The following SPAG16 variants were observed in gnomAD, a reference collection of about 807,000 sequenced individuals.
The protein encoded by SPAG16 is sperm associated antigen 16.
In SPAG16, 86 loss-of-function variants were observed where a neutral mutation model predicts 80.4. The observed-to-expected ratio is 1.07, with a 90% CI of 0.90 to 1.28. The LOEUF (loss-of-function observed/expected upper bound fraction) is 1.28, where lower values mean the gene tolerates loss of function less well. Among genes scored for constraint, SPAG16 ranks in the 50% most tolerant of loss-of-function variants. The pLI, the probability that SPAG16 is intolerant of heterozygous loss-of-function variation, is 0.00. For missense variants in SPAG16, 870 were observed against 765.3 expected (o/e 1.14, Z -1.61); for synonymous variants, 294 against 265.9 (o/e 1.11, Z -1.03).
chr2:214,157,753 A>G (rs948185614), intron 15 of SPAG16, among the ~76,000 whole-genome samples: 19 of 152,136 alleles, frequency 1.2e-4, no homozygotes, highest in African/African-American at 4.3e-4. Flanking sequence ...AATATAAATT[A>G]AAGTTATTGA....
intron 12 of SPAG16, among the ~76,000 whole-genome samples, chr2:213,946,393 G>T (rs767295569): frequency 2.6e-5 from 4 of 152,038 alleles, no homozygotes; most frequent in Admixed American, 6.6e-5. Flanking sequence ...GATTACAGGC[G>T]TGAGCCACTG....
chr2:213,819,013 T>A (rs2072759066), intron 10 of SPAG16, among the ~76,000 whole-genome samples: 1 of 152,220 alleles, frequency 6.6e-6, no homozygotes, highest in African/African-American at 2.4e-5. Context: ...GACTAAGTAT[T>A]AAAAGTGTAC....
At chr2:213,530,486 T>C (rs1470004138) in intron 10 of SPAG16, among the ~76,000 whole-genome samples, 2 of 152,162 alleles carry the variant, frequency 1.3e-5, no homozygotes, top group African/African-American at 4.8e-5. Flanking sequence ...TTTCTCAAAA[T>C]TTATATACAC....
intron 9 of SPAG16, among the ~76,000 whole-genome samples, chr2:213,473,069 A>T (rs1180082233): frequency 6.6e-6 from 1 of 152,146 alleles, no homozygotes; most frequent in African/African-American, 2.4e-5. Context: ...CTCTGTTTTT[A>T]TAATTCAAAT....
intron 12 of SPAG16, among the ~76,000 whole-genome samples, chr2:213,999,367 AC>A (rs2046681082): frequency 6.6e-6 from 1 of 152,204 alleles, no homozygotes; most frequent in Non-Finnish European, 1.5e-5. Flanking sequence ...GGCAGCTTCC[AC>A]GTGGTGTTGA....
At position 213,560,132 on chromosome 2, in the gene SPAG16, C is replaced by A. The variant is rs1285636158; in HGVS notation, c.1070+70042C>A. 2.6e-5 allele frequency among the ~76,000 whole-genome samples: 4 copies of A among 151,930 alleles called. No individual in the cohort carries two copies. The South Asian group carries it at 6.2e-4, about 24-fold the overall frequency. ...ACTATATCAAGTCCATTCTGATTAT[C>A]CTCTTATTTCCAATTTTTCTTTTAT... On this transcript the variant is annotated intron_variant, in intron 10 of 15. Transcript: ENST00000331683.
chr2:214,247,992 C>T (rs1689971807), intron 15 of SPAG16, among the ~76,000 whole-genome samples: 1 of 151,872 alleles, frequency 6.6e-6, no homozygotes. Flanking sequence ...CACACTATTA[C>T]ACTCCAGCAG....
At chr2:214,042,427 A>T (rs371216011) in intron 13 of SPAG16, among the ~76,000 whole-genome samples, 59 of 95,308 alleles carry the variant, frequency 6.2e-4, no homozygotes, top group African/African-American at 1.8e-3. Flanking sequence ...AGTAAAAACA[A>T]AAACAAAACA....
chr2:213,408,464 C>T (rs1261189448), intron 9 of SPAG16, among the ~76,000 whole-genome samples: 1 of 152,138 alleles, frequency 6.6e-6, no homozygotes. Context: ...TCAAAAAAAG[C>T]AAAAAGGTAG....
At chr2:213,713,768 AG>A (rs1389502444) in intron 10 of SPAG16, among the ~76,000 whole-genome samples, 3 of 152,196 alleles carry the variant, frequency 2.0e-5, no homozygotes, top group Non-Finnish European at 4.4e-5. Flanking sequence ...ATTAGCTCTC[AG>A]GGTTTTTATA....
chr2:213,902,879 C>A (rs2077276919), intron 11 of SPAG16, among the ~76,000 whole-genome samples: 1 of 152,136 alleles, frequency 6.6e-6, no homozygotes, highest in Non-Finnish European at 1.5e-5. Context: ...TACTGCTGTT[C>A]CAAATGGGAG....
intron 10 of SPAG16, among the ~76,000 whole-genome samples, chr2:213,529,361 C>G (rs1224858473): frequency 6.6e-6 from 1 of 152,126 alleles, no homozygotes; most frequent in African/African-American, 2.4e-5. Flanking sequence ...CTGTATTAAA[C>G]CCTGCATTAT....
intron 9 of SPAG16, among the ~76,000 whole-genome samples, chr2:213,487,122 C>A (rs2074014548): frequency 6.6e-6 from 1 of 151,996 alleles, no homozygotes; most frequent in Admixed American, 6.6e-5. Context: ...ATTATTTTAA[C>A]CCTGACTTTT....
At chr2:213,854,959 G>C (rs4609995) in intron 10 of SPAG16, among the ~76,000 whole-genome samples, 52,372 of 152,104 alleles carry the variant, frequency 0.34, 9,475 homozygotes, top group South Asian at 0.47. Flanking sequence ...CATGCTACAA[G>C]AGCAGAGCTG....
chr2:213,415,768 G>T (rs1308052270), intron 9 of SPAG16, among the ~76,000 whole-genome samples: 3 of 152,176 alleles, frequency 2.0e-5, no homozygotes, highest in Non-Finnish European at 2.9e-5. Flanking sequence ...TGGGACATCT[G>T]AGTAAAGCTG....
intron 10 of SPAG16, among the ~76,000 whole-genome samples, chr2:213,768,589 G>C (rs2069075013): frequency 6.6e-6 from 1 of 152,148 alleles, no homozygotes. Context: ...CAACTAGTTG[G>C]AAAATGATAC....
At chr2:213,612,102 T>C (rs2061456487) in intron 10 of SPAG16, among the ~76,000 whole-genome samples, 1 of 152,208 alleles carries the variant, frequency 6.6e-6, no homozygotes, top group Admixed American at 6.5e-5. Flanking sequence ...GATTCATTCA[T>C]ATTAAATACC....
At chr2:213,592,933 T>G (rs2060754212) in intron 10 of SPAG16, among the ~76,000 whole-genome samples, 1 of 152,226 alleles carries the variant, frequency 6.6e-6, no homozygotes, top group African/African-American at 2.4e-5. Flanking sequence ...CATATTGTAA[T>G]GTATTTTAAT....
intron 12 of SPAG16, among the ~76,000 whole-genome samples, chr2:213,959,956 A>G (rs1353361719): frequency 1.3e-5 from 2 of 152,196 alleles, no homozygotes; most frequent in Non-Finnish European, 2.9e-5. Context: ...GTTTTCAGCC[A>G]TTATTTCTTT....
Sources: gnomAD v4.1 joint callset for allele counts (sites outside exome capture counted in the v4.1 genomes callset) on GRCh38, gnomAD v4.1.1 for gene constraint, MANE v1.5 for transcripts, NCBI Gene and HGNC (gene_info 2026-07-23, HGNC 2026-07-21) for gene names.